Variants in FAM91A1 observed in about 807,000 individuals in gnomAD.
The protein encoded by FAM91A1 is protein FAM91A1.
FAM91A1 carries 41 observed loss-of-function variants against 113.5 expected under a neutral mutation model. The observed-to-expected ratio is 0.36, with a 90% CI of 0.28 to 0.47. FAM91A1 has a LOEUF of 0.47. Among genes scored for constraint, FAM91A1 ranks in the 20% least tolerant of loss-of-function variants. The pLI is 1.00. For synonymous variants in FAM91A1, 307 were observed against 347.9 expected (o/e 0.88, Z 1.31); for missense variants, 696 against 1,001.2 (o/e 0.70, Z 4.11).
intron 15 of FAM91A1, among the ~76,000 whole-genome samples, chr8:123,793,865 A>C (rs1304932167): frequency 6.6e-6 from 1 of 152,166 alleles, no homozygotes; most frequent in African/African-American, 2.4e-5. Flanking sequence ...GCTCTTCTGA[A>C]GTTTCTTTTA....
chr8:123,787,508 C>A, intron 13 of FAM91A1, 135 bp downstream of exon 13: 1 of 979,304 alleles, frequency 1.0e-6, no homozygotes, highest in Non-Finnish European at 1.5e-6. Flanking sequence ...AGTATAATAA[C>A]TTTCAGGGAA....
At chr8:123,779,337 A>G (rs1036211266) in intron 6 of FAM91A1, among the ~76,000 whole-genome samples, 1 of 152,158 alleles carries the variant, frequency 6.6e-6, no homozygotes, top group African/African-American at 2.4e-5. Context: ...AGGTGCTTTT[A>G]TGGGGCGATA....
chr8:123,783,738 A>G (rs955772734), intron 8 of FAM91A1, among the ~76,000 whole-genome samples: 2 of 152,182 alleles, frequency 1.3e-5, no homozygotes, highest in African/African-American at 4.8e-5. Context: ...CTTGTTTTTT[A>G]TTGGCTGGGC....
chr8:123,799,398 T>C, intron 16 of FAM91A1, 122 bp from the exon 17 acceptor site: 1 of 835,128 alleles, frequency 1.2e-6, no homozygotes, highest in South Asian at 2.2e-5. Context: ...CATTTAAAGT[T>C]ATTTTCTTGA....
At chr8:123,788,175 A>G (rs533844603) in intron 14 of FAM91A1, 1 of 984,614 alleles carries the variant, frequency 1.0e-6, no homozygotes, top group East Asian at 1.1e-4. Context: ...TATCATATTT[A>G]TGTCCGCTCT....
At chr8:123,772,720 G>A (rs964826348) in intron 1 of FAM91A1, among the ~76,000 whole-genome samples, 1 of 152,114 alleles carries the variant, frequency 6.6e-6, no homozygotes, top group Non-Finnish European at 1.5e-5. Context: ...GCCTATAACT[G>A]TTGACTTCCC....
chr8:123,783,098 C>T (rs1026815878), intron 8 of FAM91A1, among the ~76,000 whole-genome samples: 3 of 152,078 alleles, frequency 2.0e-5, no homozygotes, highest in African/African-American at 7.2e-5. Context: ...ATTGCTTGAG[C>T]CTGGGAGGTC....
chr8:123,768,589 G>T lies in FAM91A1; in HGVS notation c.-114G>T. The stretch of plus-strand genomic sequence containing the variant: ...CATGGGGCAGCCTGGGCCTTCTGCA[G>T]TGTGAGGCGCGGGGCCTCCCGCGTC... On this transcript the variant is annotated 5_prime_UTR_variant, in exon 1 of 24. Transcript: ENST00000334705. 1.1e-6 allele frequency: 1 copy of T among 922,618 alleles called. No individual in the cohort carries two copies. Among genetic ancestry groups the T allele is most frequent in the Non-Finnish European group, 1.6e-6 (1 of 628,206 alleles). 57.2% of individuals were successfully genotyped at this position (922,618 alleles called of 1,614,324 possible). A position where few individuals can be genotyped will look rare whatever the true frequency, so the allele number is the denominator to read the frequency against.
intron 23 of FAM91A1, 25 bp downstream of exon 23, chr8:123,810,376 T>TGTAC: frequency 1.2e-6 from 2 of 1,605,852 alleles, no homozygotes; most frequent in Non-Finnish European, 1.7e-6. Context: ...AAAGTCCAAA[T>TGTAC]GGTACTTGTA....
At chr8:123,800,237 C>G (rs1185303489) in intron 18 of FAM91A1, among the ~76,000 whole-genome samples, 3 of 150,696 alleles carry the variant, frequency 2.0e-5, no homozygotes, top group African/African-American at 7.4e-5. Context: ...GTACCCAACC[C>G]TATATATAGT....
intron 15 of FAM91A1, among the ~76,000 whole-genome samples, chr8:123,793,751 G>T (rs1453980506): frequency 1.3e-5 from 2 of 152,158 alleles, no homozygotes; most frequent in African/African-American, 4.8e-5. Flanking sequence ...CAAGATACTG[G>T]TGTTAGTTGT....
chr8:123,807,609 G>A (rs1563649687), intron 20 of FAM91A1, among the ~76,000 whole-genome samples: 4 of 152,044 alleles, frequency 2.6e-5, no homozygotes, highest in South Asian at 2.1e-4. Context: ...TGCATAAAGC[G>A]CTAACACAGC....
In FAM91A1 at chr8:123,768,565, A is replaced by C; in HGVS notation, c.-138A>C. 1 of 685,710 alleles carries C rather than the reference A, an allele frequency of 1.5e-6. No individual in the cohort carries two copies. The highest frequency in any genetic ancestry group is 2.4e-6 in the Non-Finnish European group (1 of 425,056). 42.5% of individuals were successfully genotyped at this position (685,710 alleles called of 1,614,324 possible). On this transcript the variant is annotated 5_prime_UTR_variant, in exon 1 of 24. It removes an upstream start codon present in the reference 5' UTR. Transcript: ENST00000334705. ...CGCTGAACTGTCGGGAGCCTAGGCC[A>C]TGGGGCAGCCTGGGCCTTCTGCAGT...
rs138103451 is a variant in FAM91A1, at chr8:123,810,514, A to G, written c.2331+163A>G. The G allele has an allele frequency of 1.4e-3, 1,078 of 758,946 alleles. 6 individuals carry two copies. In the African/African-American group the frequency reaches 0.016, roughly 11 times the overall value. 47.0% of individuals were successfully genotyped at this position (758,946 alleles called of 1,614,324 possible). ...AGATTCAAGAAGTTAATGGACTTGC[A>G]CATTTCACTCGCCAGGTCTTCGGAG... is the stretch of plus-strand genomic sequence containing the variant. On this transcript the variant is annotated intron_variant, in intron 23 of 23. Coordinates refer to ENST00000334705, the MANE Select transcript of FAM91A1 (RefSeq NM_144963.4).
chr8:123,784,875 T>G (rs554223718), intron 9 of FAM91A1: 25 of 437,674 alleles, frequency 5.7e-5, no homozygotes, highest in South Asian at 2.4e-4. Flanking sequence ...TAAGGAATCT[T>G]AAATTGTTAT....
chr8:123,798,305 A>G (rs1024384574), intron 16 of FAM91A1, 67 bp downstream of exon 16: 3 of 1,523,712 alleles, frequency 2.0e-6, no homozygotes, highest in Non-Finnish European at 2.7e-6. Flanking sequence ...TTTCTTCTCT[A>G]TCTGCAGATA....
intron 18 of FAM91A1, among the ~76,000 whole-genome samples, chr8:123,800,740 C>T (rs146241062): frequency 6.6e-6 from 1 of 152,132 alleles, no homozygotes; most frequent in African/African-American, 2.4e-5. Context: ...ATAGATTTGC[C>T]GAATCTGGGC....
intron 8 of FAM91A1, 106 bp from the exon 9 acceptor site, chr8:123,784,364 T>C: frequency 1.4e-6 from 1 of 732,760 alleles, no homozygotes; most frequent in Non-Finnish European, 2.1e-6. Flanking sequence ...AAAGCTGCAT[T>C]CAGTCCCTAA....
At chr8:123,803,875 A>G (rs1000099054) in intron 18 of FAM91A1, among the ~76,000 whole-genome samples, 18 of 152,202 alleles carry the variant, frequency 1.2e-4, no homozygotes, top group African/African-American at 4.3e-4. Context: ...TGAATAATGT[A>G]TGGGTCTCTC....
Sources: allele counts gnomAD v4.1 joint callset (sites outside exome capture counted in the v4.1 genomes callset), GRCh38; gene constraint gnomAD v4.1.1; transcripts MANE v1.5; gene names NCBI Gene and HGNC (gene_info 2026-07-23, HGNC 2026-07-21).